The following PACRGL variants were observed in gnomAD, a reference collection of about 807,000 sequenced individuals.
PACRGL encodes PACRG-like protein.
PACRGL carries 38 observed loss-of-function variants against 34.5 expected under a neutral mutation model. The ratio of observed to expected loss-of-function variants is 1.10; its 90% CI spans 0.85 to 1.44. The LOEUF is 1.44. Among genes scored for constraint, PACRGL ranks in the 40% most tolerant of loss-of-function variants. The pLI is 0.00. For missense variants in PACRGL, 305 were observed against 281.4 expected, an observed-to-expected ratio of 1.08 and a Z score of -0.60; for synonymous variants, 128 against 100.1, an observed-to-expected ratio of 1.28 and a Z score of -1.66.
At chr4:20,758,830 G>A in the PACRGL span, 1 of 1,612,644 alleles carries the variant, frequency 6.2e-7, no homozygotes, top group Non-Finnish European at 8.5e-7. Context: ...CCTCCCTGTG[G>A]AAAGAACTGC....
intron 5 of PACRGL, among the ~76,000 whole-genome samples, chr4:20,711,903 T>A (rs530798135): frequency 6.6e-6 from 1 of 152,310 alleles, no homozygotes; most frequent in Non-Finnish European, 1.5e-5. Context: ...TATAGTATGA[T>A]ACTTGCTTTC....
chr4:20,745,911 T>G (rs1752319927), intron 8 of PACRGL, among the ~76,000 whole-genome samples: 1 of 152,214 alleles, frequency 6.6e-6, no homozygotes, highest in South Asian at 2.1e-4. Flanking sequence ...TAACTGGCTT[T>G]GTTAGAAAAA....
chr4:20,727,545 A>T lies in PACRGL; in HGVS notation c.*204A>T. 2.2e-6 allele frequency: 1 copy of T among 456,928 alleles called. No individual in the cohort carries two copies. The highest frequency in any genetic ancestry group is 3.9e-6 in the Non-Finnish European group (1 of 256,030). 28.3% of individuals were successfully genotyped at this position (456,928 alleles called of 1,614,324 possible). Reference sequence around the variant, plus strand: ...AAGTTATTAAAATAAGTTCTATAAGAGTACAATTTTGAGGTTTATTTTTTG... The same window carrying T: ...AAGTTATTAAAATAAGTTCTATAAGTGTACAATTTTGAGGTTTATTTTTTG... On this transcript the variant is annotated 3_prime_UTR_variant, in exon 9 of 9. Transcript: ENST00000503585.
intron 7 of PACRGL, among the ~76,000 whole-genome samples, chr4:20,721,257 G>A (rs1167004246): frequency 6.6e-6 from 1 of 152,050 alleles, no homozygotes; most frequent in Non-Finnish European, 1.5e-5. Context: ...TAGCTTCTTT[G>A]CAATGGGTTC....
intron 8 of PACRGL, among the ~76,000 whole-genome samples, chr4:20,747,914 G>A (rs560813281): frequency 1.3e-5 from 2 of 152,228 alleles, no homozygotes; most frequent in East Asian, 3.9e-4. Context: ...ACGCCCATAT[G>A]AACTTTTCTT....
chr4:20,754,165 A>G (rs1318829057), downstream of PACRGL, among the ~76,000 whole-genome samples: 1 of 152,168 alleles, frequency 6.6e-6, no homozygotes, highest in African/African-American at 2.4e-5. Flanking sequence ...TACAGTAGGC[A>G]TACTTTATCC....
rs752625137 is a variant in PACRGL, at chr4:20,707,825, C to G, written c.230C>G (p.Pro77Arg). 8.1e-6 allele frequency: 13 copies of G among 1,613,712 alleles called. No homozygotes were observed. Among genetic ancestry groups the G allele is most frequent in the Non-Finnish European group, 1.1e-5 (13 of 1,179,776 alleles). ...TAGTTTGGTGAACAGTCACGAGTGC[C>G]TTCTGCATTTGCAGCTATTTACTCT... ...INPFGEQSRV[P>R]SAFAAIYSKG... Residue 77 changes from proline (P) to arginine (R), a missense_variant, in exon 4 of 9, where the codon CCT becomes CGT. Coordinates refer to ENST00000503585, the MANE Select transcript of PACRGL (RefSeq NM_001258345.3).
the PACRGL span, among the ~76,000 whole-genome samples, chr4:20,761,263 C>G: frequency 6.6e-6 from 1 of 152,196 alleles, no homozygotes; most frequent in African/African-American, 2.4e-5. Context: ...CAAGGCTCCA[C>G]AAAGTGTGAA....
chr4:20,757,438 T>C (rs568177152), downstream of PACRGL, among the ~76,000 whole-genome samples: 20 of 152,256 alleles, frequency 1.3e-4, no homozygotes, highest in East Asian at 2.9e-3. Context: ...CTTAAACTTA[T>C]CAGTGGCTTT....
downstream of PACRGL, among the ~76,000 whole-genome samples, chr4:20,753,361 G>A (rs1259810282): frequency 2.0e-5 from 3 of 152,104 alleles, no homozygotes; most frequent in Admixed American, 1.3e-4. Context: ...ACAACTTGAG[G>A]CTAAGAAAAG....
chr4:20,759,034 G>A, the PACRGL span: 6 of 605,734 alleles, frequency 9.9e-6, no homozygotes, highest in African/African-American at 9.3e-5. Context: ...GGGAATAAAA[G>A]CACACTATAA....
rs866650635 is a variant in PACRGL at position 20,739,482 on chromosome 4, A to G, written c.*56+12085A>G. ...TGGAGTGGACCTCCAGCAAACTCCA[A>G]CAGACCTGCAGCTGAGGGTCCTGAC... is the stretch of plus-strand genomic sequence containing the variant. On this transcript the variant is annotated intron_variant, in intron 8 of 8. Transcript: ENST00000507634. 1.2e-4 allele frequency among the ~76,000 whole-genome samples: 18 copies of G among 152,316 alleles called. No individual in the cohort carries two copies. The South Asian group carries it at 3.3e-3, about 28-fold the overall frequency.
At chr4:20,700,015 G>GA (rs1195824590), upstream of PACRGL, among the ~76,000 whole-genome samples, 1 of 152,144 alleles carries the variant, frequency 6.6e-6, no homozygotes, top group Non-Finnish European at 1.5e-5. Flanking sequence ...GAAACTACAA[G>GA]AAAATCCCAC....
the PACRGL span, among the ~76,000 whole-genome samples, chr4:20,760,556 A>G: frequency 6.6e-5 from 10 of 152,320 alleles, no homozygotes; most frequent in South Asian, 4.1e-4. Flanking sequence ...AACAGTGTTA[A>G]CAGTTTCAAT....
rs778690375 is a variant in PACRGL, at chr4:20,713,482, G to A, written c.552G>A (p.Gln184=). 6.2e-7 allele frequency: 1 copy of A among 1,613,758 alleles called. No homozygotes were observed. The highest frequency in any genetic ancestry group is 8.5e-7 in the Non-Finnish European group (1 of 1,179,794). Residue 184 remains glutamine (Q), a synonymous_variant, in exon 7 of 9, where the codon CAG becomes CAA. Transcript: ENST00000503585. ...AAAGAGGATTGAATGCTCTAGTTCA[G>A]CTAAGTGTCGTTGTTGGTCCTTCTC... is the stretch of plus-strand genomic sequence containing the variant. ...VFERGLNALV[Q]LSVVVGPSLN...
downstream of PACRGL, among the ~76,000 whole-genome samples, chr4:20,737,443 AGTCAGAAAT>A (rs551310531): frequency 3.0e-3 from 458 of 152,288 alleles, 1 homozygote; most frequent in Non-Finnish European, 3.1e-3. Flanking sequence ...AAAGAGTAAG[AGTCAGAAAT>A]GGGCTGTGCT....
At chr4:20,741,292 T>C (rs375607515) in intron 8 of PACRGL, among the ~76,000 whole-genome samples, 2 of 151,984 alleles carry the variant, frequency 1.3e-5, no homozygotes, top group African/African-American at 4.8e-5. Flanking sequence ...TACGTCACAC[T>C]TATTCCAAAA....
upstream of PACRGL, among the ~76,000 whole-genome samples, chr4:20,697,810 A>G (rs1423373248): frequency 1.3e-5 from 2 of 152,126 alleles, no homozygotes; most frequent in African/African-American, 4.8e-5. Context: ...GTCCTCACAT[A>G]GTGGAAGGAG....
downstream of PACRGL, among the ~76,000 whole-genome samples, chr4:20,756,706 G>T (rs1754496791): frequency 6.6e-6 from 1 of 151,854 alleles, no homozygotes; most frequent in Admixed American, 6.6e-5. Flanking sequence ...GCCCAACAAT[G>T]ACTCCCATGT....
Sources: allele counts gnomAD v4.1 joint callset (sites outside exome capture counted in the v4.1 genomes callset), GRCh38; gene constraint gnomAD v4.1.1; transcripts MANE v1.5; gene names NCBI Gene and HGNC (gene_info 2026-07-23, HGNC 2026-07-21).